The following FANCA variants were observed in gnomAD, a reference collection of about 807,000 sequenced individuals.
The protein encoded by FANCA is FA complementation group A, also known as Fanconi anemia group A protein.
A neutral mutation model predicts 194.3 loss-of-function variants in FANCA; 236 were observed. The ratio of observed to expected loss-of-function variants is 1.21; its 90% CI spans 1.09 to 1.35. The LOEUF (loss-of-function observed/expected upper bound fraction) is 1.35. Among genes scored for constraint, FANCA ranks in the 40% most tolerant of loss-of-function variants. FANCA has a pLI of 0.00. For synonymous variants in FANCA, 1,014 were observed against 715.8 expected, an observed-to-expected ratio of 1.42 and a Z score of -6.65; for missense variants, 2,628 against 1,813.9, an observed-to-expected ratio of 1.45 and a Z score of -8.15.
At chr16:89,774,223 T>C (rs17226498) in intron 21 of FANCA, among the ~76,000 whole-genome samples, 9,122 of 152,204 alleles carry the variant, frequency 0.06, 425 homozygotes, top group East Asian at 0.23. Context: ...GCTCTAGAAA[T>C]CATAGGCTCT....
At position 89,789,319 on chromosome 16, in the gene FANCA, G is replaced by T. The variant is rs533842320; in HGVS notation, c.1359+2084C>A. 4.5e-4 allele frequency among the ~76,000 whole-genome samples: 68 copies of T among 151,346 alleles called. 3 individuals are homozygous for T. In the East Asian group the frequency reaches 0.011, roughly 25 times the overall value. On this transcript the variant is annotated intron_variant, in intron 14 of 42. Transcript: ENST00000389301. ...CCTCAGAAGGCCTGGGGGGGGAGCA[G>T]GCACCGCAGCCACGATGGCGATGCA...
chr16:89,751,295 T>C (rs1316788550), intron 31 of FANCA, among the ~76,000 whole-genome samples: 1 of 151,296 alleles, frequency 6.6e-6, no homozygotes, highest in African/African-American at 2.4e-5. Context: ...GGCCCAGGAG[T>C]TCGAGACAAG....
chr16:89,744,798 A>G, intron 36 of FANCA, 161 bp downstream of exon 36: 2 of 706,586 alleles, frequency 2.8e-6, no homozygotes, highest in Admixed American at 2.0e-5. Context: ...TTGGGATTAC[A>G]GGCGCCCACC....
chr16:89,756,461 TCTA>T (rs890878100), intron 30 of FANCA, among the ~76,000 whole-genome samples: 13 of 152,196 alleles, frequency 8.5e-5, no homozygotes, highest in African/African-American at 3.1e-4. Flanking sequence ...AAACCCCATC[TCTA>T]CTACAACTAC....
chr16:89,749,048 G>A (rs1338050853), intron 32 of FANCA, among the ~76,000 whole-genome samples: 1 of 152,206 alleles, frequency 6.6e-6, no homozygotes. Context: ...CGATAACCAA[G>A]TGGATGACGC....
rs547849985 is a variant in FANCA at position 89,767,775 on chromosome 16, C to G, written c.2505-538G>C. Among the ~76,000 whole-genome samples the G allele has an allele frequency of 5.3e-5, 8 of 152,276 alleles. No homozygotes were observed. The East Asian group carries it at 1.2e-3, about 22-fold the overall frequency. On this transcript the variant is annotated intron_variant, in intron 26 of 42. Coordinates refer to ENST00000389301, the MANE Select transcript of FANCA (RefSeq NM_000135.4). ...GTGTTAGCGAGGATGGTCTCGATCT[C>G]CTGACTTCGTGCTCCGCCCACCTCA...
At chr16:89,806,713 G>A (rs531811744) in intron 6 of FANCA, among the ~76,000 whole-genome samples, 3 of 152,196 alleles carry the variant, frequency 2.0e-5, no homozygotes, top group African/African-American at 7.2e-5. Context: ...ATTTCTCTTA[G>A]TACAGAACAA....
In FANCA at chr16:89,742,784, G is replaced by A. The variant is rs745639466; in HGVS notation, c.3765+16C>T. ...CTTGCGAGAAAATAAATCAGTAAAAGAATTTCCTATCTTGCCTCCTCTCTC... is the reference window on the plus strand; with the variant it reads ...CTTGCGAGAAAATAAATCAGTAAAAAAATTTCCTATCTTGCCTCCTCTCTC... On this transcript the variant is annotated intron_variant, in intron 37 of 42. Transcript: ENST00000389301. 1 of 1,599,740 alleles carries A rather than the reference G, an allele frequency of 6.3e-7. No individual in the cohort carries two copies. Among genetic ancestry groups the A allele is most frequent in the Non-Finnish European group, 8.5e-7 (1 of 1,171,770 alleles).
chr16:89,772,994 C>A (rs939433789), intron 22 of FANCA, among the ~76,000 whole-genome samples: 1 of 152,124 alleles, frequency 6.6e-6, no homozygotes, highest in Admixed American at 6.5e-5. Context: ...GCATCCTAGT[C>A]ACGCGTTTTC....
chr16:89,779,813 G>T, intron 18 of FANCA, 56 bp downstream of exon 18: 2 of 1,442,002 alleles, frequency 1.4e-6, no homozygotes, highest in South Asian at 1.1e-5. Context: ...GCAGGCATCA[G>T]AGCGCGGTCT....
intron 14 of FANCA, chr16:89,791,116 G>A (rs545200198): frequency 6.0e-5 from 28 of 469,030 alleles, no homozygotes; most frequent in Non-Finnish European, 8.6e-5. Context: ...AAGACAGCAG[G>A]AGGCTCCGTC....
At chr16:89,799,996 A>C (rs567408674) in intron 8 of FANCA, among the ~76,000 whole-genome samples, 1 of 152,338 alleles carries the variant, frequency 6.6e-6, no homozygotes, top group African/African-American at 2.4e-5. Context: ...TCCGTCTCGG[A>C]AAAAAGAAAA....
intron 12 of FANCA, 98 bp downstream of exon 12, chr16:89,792,373 C>T (rs373549179): frequency 1.5e-5 from 20 of 1,304,266 alleles, no homozygotes; most frequent in Non-Finnish European, 2.1e-5. Context: ...CTGAACCTCT[C>T]GATGTGCCGT....
chr16:89,797,096 C>G (rs1567640138), intron 10 of FANCA, among the ~76,000 whole-genome samples: 1 of 152,154 alleles, frequency 6.6e-6, no homozygotes, highest in African/African-American at 2.4e-5. Flanking sequence ...GGGAGCGGAG[C>G]TTGCAGTGAG....
chr16:89,751,858 C>T (rs990320631), intron 31 of FANCA, among the ~76,000 whole-genome samples: 1 of 151,956 alleles, frequency 6.6e-6, no homozygotes, highest in Non-Finnish European at 1.5e-5. Flanking sequence ...GCAAGCTCCG[C>T]CTCCTGGGTT....
intron 7 of FANCA, among the ~76,000 whole-genome samples, chr16:89,803,852 CT>C (rs1451289029): frequency 6.6e-6 from 1 of 152,078 alleles, no homozygotes; most frequent in African/African-American, 2.4e-5. Context: ...AACTCCTGAC[CT>C]CATGATCCAC....
At chr16:89,741,535 C>T (rs184271211) in intron 37 of FANCA, among the ~76,000 whole-genome samples, 264 of 152,136 alleles carry the variant, frequency 1.7e-3, no homozygotes, top group African/African-American at 6.1e-3. Flanking sequence ...TGTTTCTGTT[C>T]CTGTTCTGCA....
intron 22 of FANCA, among the ~76,000 whole-genome samples, chr16:89,772,027 G>A (rs780870926): frequency 2.6e-5 from 4 of 152,234 alleles, no homozygotes; most frequent in Admixed American, 6.5e-5. Context: ...GGGGCCAGAC[G>A]CCATCCACTA....
chr16:89,816,418 C>T lies in FANCA; in HGVS notation c.79+119G>A, dbSNP rs72631431. On this transcript the variant is annotated intron_variant, in intron 1 of 42. Transcript: ENST00000389301. ...CCGGGCGCCCACCCCGCACAGCCCC[C>T]CGGGCGCGGCGTCCGGGGATCCGAC... 338,542 of 918,760 alleles carry T rather than the reference C, an allele frequency of 0.37. 70,747 individuals carry two copies. Among genetic ancestry groups the T allele is most frequent in the East Asian group, 0.97 (27,609 of 28,472 alleles). 56.9% of individuals were successfully genotyped at this position (918,760 alleles called of 1,614,324 possible). A position where few individuals can be genotyped will look rare whatever the true frequency, so the allele number is the denominator to read the frequency against.
Sources: allele counts gnomAD v4.1 joint callset (sites outside exome capture counted in the v4.1 genomes callset), GRCh38; gene constraint gnomAD v4.1.1; transcripts MANE v1.5; gene names NCBI Gene and HGNC (gene_info 2026-07-23, HGNC 2026-07-21).